ABLIM3: variants seen among roughly 807,000 people sequenced by gnomAD.
ABLIM3 encodes actin binding LIM protein family member 3, also known as actin-binding LIM protein 3.
ABLIM3 carries 61 observed loss-of-function variants against 109.5 expected under a neutral mutation model. The ratio of observed to expected loss-of-function variants is 0.56; its 90% CI spans 0.45 to 0.69. The LOEUF is 0.69. Ranked by LOEUF, ABLIM3 falls within the 30% of genes least tolerant of loss-of-function variation. The probability of loss-of-function intolerance (pLI) is 0.00; values close to 1 mark genes in which losing one functional copy is unlikely to be tolerated. For synonymous variants in ABLIM3, 300 were observed against 324.8 expected, an observed-to-expected ratio of 0.92 and a Z score of 0.82; for missense variants, 796 against 889.5, an observed-to-expected ratio of 0.89 and a Z score of 1.34.
intron 14 of ABLIM3, among the ~76,000 whole-genome samples, chr5:149,242,267 T>C (rs1345804896): frequency 2.0e-5 from 3 of 152,118 alleles, no homozygotes; most frequent in Admixed American, 2.0e-4. Context: ...CTTGGATCCA[T>C]CCATTCCTCT....
intron 8 of ABLIM3, among the ~76,000 whole-genome samples, chr5:149,229,045 C>A (rs1268080364): frequency 6.6e-6 from 1 of 152,130 alleles, no homozygotes; most frequent in Non-Finnish European, 1.5e-5. Flanking sequence ...CCTACAGTGA[C>A]CTGTAACATG....
rs573086457 is a variant in ABLIM3 at position 149,199,659 on chromosome 5, C to A, written c.336-657C>A. On this transcript the variant is annotated intron_variant, in intron 4 of 23. Coordinates refer to ENST00000309868, the MANE Select transcript of ABLIM3 (RefSeq NM_014945.5). ...CAGTGCTAATACAAGGGCAATGGAG[C>A]CCCTGGGAGCCAATGTTAGGTGCTG... 2.0e-5 allele frequency among the ~76,000 whole-genome samples: 3 copies of A among 152,346 alleles called. No individual in the cohort carries two copies. In the South Asian group the frequency reaches 6.2e-4, roughly 32 times the overall value.
At chr5:149,151,510 G>A (rs748465150) in intron 2 of ABLIM3, among the ~76,000 whole-genome samples, 13 of 152,302 alleles carry the variant, frequency 8.5e-5, no homozygotes, top group African/African-American at 1.2e-4. Flanking sequence ...CCACACTAGC[G>A]TGAGATGCTA....
At chr5:149,224,510 C>T (rs1023409331) in intron 8 of ABLIM3, among the ~76,000 whole-genome samples, 3 of 152,176 alleles carry the variant, frequency 2.0e-5, no homozygotes, top group African/African-American at 2.4e-5. Flanking sequence ...CAGGAGGGTG[C>T]GCTGGCAACC....
At chr5:149,203,160 TATC>T (rs750131093) in intron 5 of ABLIM3, among the ~76,000 whole-genome samples, 7 of 151,202 alleles carry the variant, frequency 4.6e-5, no homozygotes, top group African/African-American at 7.3e-5. Context: ...TCATCACTAC[TATC>T]ATCATCACCA....
At chr5:149,257,030 C>T (rs1403778317) in intron 23 of ABLIM3, among the ~76,000 whole-genome samples, 3 of 152,192 alleles carry the variant, frequency 2.0e-5, no homozygotes, top group Non-Finnish European at 2.9e-5. Context: ...CATGGCCATG[C>T]GCCGTGGCTT....
At position 149,258,894 on chromosome 5, in the gene ABLIM3, C is replaced by A; in HGVS notation, c.*490C>A. The stretch of plus-strand genomic sequence containing the variant: ...CGCCCACGAAGAACTTTCTCAACAC[C>A]CCCAATTAGGAGCTCAGTGCTCTCT... On this transcript the variant is annotated 3_prime_UTR_variant, in exon 24 of 24. Coordinates refer to ENST00000309868, the MANE Select transcript of ABLIM3 (RefSeq NM_014945.5). The A allele has an allele frequency of 1.0e-6, 1 of 989,960 alleles. No individual in the cohort carries two copies. The highest frequency in any genetic ancestry group is 1.2e-6 in the Non-Finnish European group (1 of 833,014). 61.3% of individuals were successfully genotyped at this position (989,960 alleles called of 1,614,324 possible).
In ABLIM3 at chr5:149,207,044, A is replaced by G. The variant is rs372539197; in HGVS notation, c.485A>G (p.Gln162Arg). 1 of 1,613,994 alleles carries G rather than the reference A, an allele frequency of 6.2e-7. No individual in the cohort carries two copies. Among genetic ancestry groups the G allele is most frequent in the East Asian group, 2.2e-5 (1 of 44,876 alleles). ...TGCAAGGAGGAGATCAAGCACGGCC[A>G]GTCACTCCTGGCTCTGGACAAGCAG... Reference protein sequence around the residue: ...AGCKEEIKHGQSLLALDKQWH... With the variant: ...AGCKEEIKHGRSLLALDKQWH... The change falls in exon 6 of 24, where the codon CAG (glutamine) becomes CGG (arginine). Residue 162 changes from glutamine to arginine, a missense_variant. Transcript: ENST00000309868.
At chr5:149,228,685 C>A (rs918962750) in intron 8 of ABLIM3, among the ~76,000 whole-genome samples, 3 of 152,170 alleles carry the variant, frequency 2.0e-5, no homozygotes, top group African/African-American at 4.8e-5. Flanking sequence ...TACCAACTAA[C>A]TTTTTTTAGC....
At chr5:149,162,815 C>T (rs1337706526) in intron 2 of ABLIM3, among the ~76,000 whole-genome samples, 1 of 152,220 alleles carries the variant, frequency 6.6e-6, no homozygotes, top group Admixed American at 6.5e-5. Context: ...CTGACCAGGG[C>T]AGTGGGGCAT....
At chr5:149,251,626 G>A (rs929614797) in intron 21 of ABLIM3, among the ~76,000 whole-genome samples, 3 of 151,944 alleles carry the variant, frequency 2.0e-5, no homozygotes, top group Admixed American at 2.0e-4. Context: ...GGCCTTGGGT[G>A]GTCTCCAAGC....
intron 2 of ABLIM3, among the ~76,000 whole-genome samples, chr5:149,161,226 G>A (rs1252878895): frequency 6.6e-6 from 1 of 152,218 alleles, no homozygotes; most frequent in Non-Finnish European, 1.5e-5. Flanking sequence ...GACCTGGATT[G>A]TTTTGGGTCT....
At chr5:149,248,354 T>C (rs1482619756) in intron 18 of ABLIM3, among the ~76,000 whole-genome samples, 3 of 152,008 alleles carry the variant, frequency 2.0e-5, no homozygotes, top group Non-Finnish European at 4.4e-5. Flanking sequence ...TCCCATTGCT[T>C]TGGGGCATCT....
At chr5:149,214,065 G>C (rs1759820039) in intron 7 of ABLIM3, among the ~76,000 whole-genome samples, 1 of 152,184 alleles carries the variant, frequency 6.6e-6, no homozygotes, top group Non-Finnish European at 1.5e-5. Context: ...CAGTAAAACA[G>C]ACTTGGATTC....
At chr5:149,228,246 A>C (rs898831654) in intron 8 of ABLIM3, among the ~76,000 whole-genome samples, 2 of 152,204 alleles carry the variant, frequency 1.3e-5, no homozygotes, top group African/African-American at 4.8e-5. Flanking sequence ...AAAACAAATG[A>C]ATGCCTCTTC....
At chr5:149,171,430 C>T (rs1397547402) in intron 2 of ABLIM3, among the ~76,000 whole-genome samples, 3 of 152,160 alleles carry the variant, frequency 2.0e-5, no homozygotes, top group Non-Finnish European at 2.9e-5. Flanking sequence ...ATACTACTAT[C>T]CCCATTTTAT....
chr5:149,245,475 T>G (rs1172824447), intron 16 of ABLIM3, among the ~76,000 whole-genome samples: 1 of 151,884 alleles, frequency 6.6e-6, no homozygotes, highest in African/African-American at 2.4e-5. Flanking sequence ...CCACTTAACC[T>G]TGAACTCAGA....
At chr5:149,156,123 A>G (rs1319542179) in intron 2 of ABLIM3, among the ~76,000 whole-genome samples, 1 of 152,242 alleles carries the variant, frequency 6.6e-6, no homozygotes, top group Non-Finnish European at 1.5e-5. Context: ...AACTATGCCC[A>G]TGGGTGGGCT....
At chr5:149,194,418 C>A (rs1458468982) in intron 3 of ABLIM3, among the ~76,000 whole-genome samples, 1 of 152,102 alleles carries the variant, frequency 6.6e-6, no homozygotes, top group East Asian at 1.9e-4. Flanking sequence ...GTGGGAACAG[C>A]TGGTGGGAAG....
Sources: gnomAD v4.1 joint callset for allele counts (sites outside exome capture counted in the v4.1 genomes callset) on GRCh38, gnomAD v4.1.1 for gene constraint, MANE v1.5 for transcripts, NCBI Gene and HGNC (gene_info 2026-07-23, HGNC 2026-07-21) for gene names.